AFG2A: variants seen among roughly 807,000 people sequenced by gnomAD.
AFG2A encodes AAA ATPase AFG2A.
At chr4:123,051,378 TTTGTA>T in the AFG2A span, among the ~76,000 whole-genome samples, 1 of 152,004 alleles carries the variant, frequency 6.6e-6, no homozygotes, top group African/African-American at 2.4e-5. Flanking sequence ...AAAAGAAAAA[TTTGTA>T]CACCTTAACT....
At chr4:123,061,933 T>G in the AFG2A span, among the ~76,000 whole-genome samples, 1 of 152,324 alleles carries the variant, frequency 6.6e-6, no homozygotes, top group Admixed American at 6.5e-5. Flanking sequence ...GGGAGGGATA[T>G]CCTGTTAAAT....
the AFG2A span, among the ~76,000 whole-genome samples, chr4:123,206,093 A>T: frequency 6.6e-6 from 1 of 152,148 alleles, no homozygotes; most frequent in South Asian, 2.1e-4. Context: ...TAACAAATCT[A>T]GCCTTAAGGA....
chr4:123,064,724 A>G, the AFG2A span, among the ~76,000 whole-genome samples: 42 of 152,304 alleles, frequency 2.8e-4, no homozygotes, highest in Non-Finnish European at 5.1e-4. Flanking sequence ...ATAGGATCCT[A>G]AGATCCTGAA....
the AFG2A span, among the ~76,000 whole-genome samples, chr4:122,956,656 AGT>A: frequency 6.6e-6 from 1 of 152,180 alleles, no homozygotes; most frequent in African/African-American, 2.4e-5. Context: ...TTTGAGATGG[AGT>A]CTTGCTCTGT....
the AFG2A span, among the ~76,000 whole-genome samples, chr4:123,095,701 A>G: frequency 2.1e-4 from 2 of 9,714 alleles, no homozygotes; most frequent in African/African-American, 1.1e-3. Flanking sequence ...TTTTTAGGCT[A>G]AAACTGATTA....
the AFG2A span, among the ~76,000 whole-genome samples, chr4:123,194,803 C>T: frequency 1.3e-5 from 2 of 152,110 alleles, no homozygotes; most frequent in African/African-American, 4.8e-5. Context: ...TTTCTAGGTA[C>T]TTGGGTGAGA....
At chr4:123,307,528 G>A in the AFG2A span, among the ~76,000 whole-genome samples, 1 of 152,160 alleles carries the variant, frequency 6.6e-6, no homozygotes, top group Non-Finnish European at 1.5e-5. Flanking sequence ...AGAGAGATAT[G>A]TTGACAGATT....
At chr4:122,930,576 C>T in the AFG2A span, among the ~76,000 whole-genome samples, 2,089 of 152,104 alleles carry the variant, frequency 0.014, 49 homozygotes, top group African/African-American at 0.047. Context: ...TGTTGAGTAC[C>T]GGCTGTATAC....
the AFG2A span, among the ~76,000 whole-genome samples, chr4:122,988,597 T>C: frequency 4.0e-5 from 6 of 151,884 alleles, no homozygotes; most frequent in Non-Finnish European, 7.4e-5. Flanking sequence ...CGGAGTTTCA[T>C]ATGTGGCCAG....
chr4:123,318,776 A>C, the AFG2A span: 1 of 57,420 alleles, frequency 1.7e-5, no homozygotes, highest in South Asian at 3.7e-4. Context: ...AAAAAAAAAA[A>C]GGGGGGAACA....
chr4:123,194,680 GATTT>G, the AFG2A span, among the ~76,000 whole-genome samples: 116 of 152,144 alleles, frequency 7.6e-4, 8 homozygotes, highest in Non-Finnish European at 1.9e-4. Context: ...TCAGTTAACA[GATTT>G]ATTTATCTAG....
the AFG2A span, among the ~76,000 whole-genome samples, chr4:123,005,563 C>T: frequency 2.6e-5 from 4 of 152,118 alleles, no homozygotes; most frequent in African/African-American, 9.7e-5. Context: ...CCTCTAGTTT[C>T]TTAAGGTGGG....
At chr4:123,099,722 C>T in the AFG2A span, among the ~76,000 whole-genome samples, 1 of 151,766 alleles carries the variant, frequency 6.6e-6, no homozygotes, top group Non-Finnish European at 1.5e-5. Context: ...AATACATTTT[C>T]TTCCACTAAA....
chr4:122,949,366 C>T, the AFG2A span, among the ~76,000 whole-genome samples: 1 of 152,108 alleles, frequency 6.6e-6, no homozygotes, highest in Admixed American at 6.6e-5. Flanking sequence ...GGGAAACTTG[C>T]TGCATGAGGT....
chr4:123,313,448 G>C, the AFG2A span, among the ~76,000 whole-genome samples: 2 of 152,220 alleles, frequency 1.3e-5, no homozygotes, highest in Admixed American at 6.5e-5. Flanking sequence ...ACGGTGTGTT[G>C]ATGAGCAAGG....
chr4:122,939,700 A>G, the AFG2A span, among the ~76,000 whole-genome samples: 717 of 152,050 alleles, frequency 4.7e-3, 4 homozygotes, highest in Non-Finnish European at 5.8e-3. Context: ...TTACATATGT[A>G]TACATGTGCC....
chr4:123,296,559 C>G, the AFG2A span, among the ~76,000 whole-genome samples: 23 of 152,198 alleles, frequency 1.5e-4, no homozygotes, highest in African/African-American at 5.1e-4. Flanking sequence ...TAGAAATACA[C>G]TAAAATATTT....
At chr4:123,150,205 A>T in the AFG2A span, among the ~76,000 whole-genome samples, 23 of 152,334 alleles carry the variant, frequency 1.5e-4, no homozygotes, top group Middle Eastern at 3.4e-3. Flanking sequence ...TTCCCTTTGA[A>T]AACTGGCACA....
the AFG2A span, among the ~76,000 whole-genome samples, chr4:123,238,869 C>A: frequency 6.6e-6 from 1 of 151,966 alleles, no homozygotes; most frequent in South Asian, 2.1e-4. Context: ...TTCAGAAGGT[C>A]AATAATAACA....
Sources: gnomAD v4.1 joint callset for allele counts (sites outside exome capture counted in the v4.1 genomes callset) on GRCh38, gnomAD v4.1.1 for gene constraint, MANE v1.5 for transcripts, NCBI Gene and HGNC (gene_info 2026-07-23, HGNC 2026-07-21) for gene names.